ENTPD5: variants seen among roughly 807,000 people sequenced by gnomAD.
The protein encoded by ENTPD5 is ectonucleoside triphosphate diphosphohydrolase 5 (inactive).
Under a neutral mutation model 60.2 loss-of-function variants are expected in ENTPD5, and 49 were observed. The observed-to-expected ratio is 0.81, with a 90% CI of 0.65 to 1.03. The LOEUF (loss-of-function observed/expected upper bound fraction) is 1.03, where lower values mean the gene tolerates loss of function less well. ENTPD5 is among the 50% of genes least tolerant of loss of function. The pLI, the probability that ENTPD5 is intolerant of heterozygous loss-of-function variation, is 0.00. For missense variants in ENTPD5, 480 were observed against 507.6 expected, an observed-to-expected ratio of 0.95 and a Z score of 0.52; for synonymous variants, 187 against 185.4, an observed-to-expected ratio of 1.01 and a Z score of -0.07.
Position 73,976,412 on chromosome 14 carries a change from C to T in ENTPD5, c.554G>A (p.Gly185Asp), listed in dbSNP as rs773063485. 1.2e-6 allele frequency: 2 copies of T among 1,614,008 alleles called. No homozygotes were observed. The highest frequency in any genetic ancestry group is 1.1e-5 in the South Asian group (1 of 91,076). The change falls in exon 9 of 16, where the codon GGT becomes GAT. Residue 185 changes from glycine to aspartate, a missense_variant and splice_region_variant. Gly to Asp is a moderately conservative substitution (Grantham distance 94, BLOSUM62 -1). Transcript: ENST00000334696. ...CTCCTGTCTGTGGCCATGCAGCTGA[C>T]CTGTCAAATGAGAGCCAGCTCTAAA... ...LAWVTVNFLTGQLHGHRQETV... is the reference protein window; with the variant it reads ...LAWVTVNFLTDQLHGHRQETV...
chr14:73,978,013 A>G (rs2057516071), intron 6 of ENTPD5, among the ~76,000 whole-genome samples: 1 of 152,210 alleles, frequency 6.6e-6, no homozygotes, highest in African/African-American at 2.4e-5. Flanking sequence ...AGGGAAAGAA[A>G]AAAGAATTCT....
At chr14:73,991,297 A>G (rs1269898379) in intron 3 of ENTPD5, among the ~76,000 whole-genome samples, 1 of 152,080 alleles carries the variant, frequency 6.6e-6, no homozygotes, top group African/African-American at 2.4e-5. Flanking sequence ...AGCACTGTTT[A>G]CATTTAGGGG....
chr14:73,958,000 G>C (rs2056523123), downstream of ENTPD5: 4 of 743,202 alleles, frequency 5.4e-6, no homozygotes, highest in South Asian at 5.6e-5. Flanking sequence ...TATTAGCTCA[G>C]ACCACAGCAT....
In ENTPD5 at chr14:73,995,281, C is replaced by G. The variant is rs539497456; in HGVS notation, c.-70-7109G>C. Among the ~76,000 whole-genome samples the G allele has an allele frequency of 2.0e-3, 309 of 152,190 alleles. 4 individuals are homozygous for G. The highest frequency in any genetic ancestry group is 7.0e-3 in the African/African-American group (290 of 41,490). The stretch of plus-strand genomic sequence containing the variant: ...CAGGCTGTTCTCAAACTTCTGGTCT[C>G]AAGTGATCCACCCGCCTCAGCCTCC... On this transcript the variant is annotated intron_variant, in intron 3 of 15. Coordinates refer to ENST00000334696, the MANE Select transcript of ENTPD5 (RefSeq NM_001249.5).
At chr14:74,002,214 C>A (rs1006895614) in intron 3 of ENTPD5, among the ~76,000 whole-genome samples, 2 of 152,010 alleles carry the variant, frequency 1.3e-5, no homozygotes, top group African/African-American at 4.8e-5. Context: ...TGAAATGAGC[C>A]AGAAATCAAA....
downstream of ENTPD5, among the ~76,000 whole-genome samples, chr14:73,957,491 T>C (rs1427777312): frequency 1.3e-5 from 2 of 152,226 alleles, no homozygotes; most frequent in Non-Finnish European, 2.9e-5. Context: ...TGTTTTGTTT[T>C]GAGACAAGGT....
chr14:73,959,852 G>A (rs2056629762), downstream of ENTPD5: 1 of 1,289,876 alleles, frequency 7.8e-7, no homozygotes, highest in Non-Finnish European at 9.9e-7. Flanking sequence ...TTACAGGCGT[G>A]AGCCACTGCA....
intron 13 of ENTPD5, 30 bp from the exon 14 acceptor site, chr14:73,971,938 C>A: frequency 2.2e-6 from 3 of 1,340,724 alleles, no homozygotes; most frequent in Non-Finnish European, 3.2e-6. Flanking sequence ...TATCTGATAT[C>A]AAAACGCCTT....
chr14:73,991,746 T>C (rs2058143945), intron 3 of ENTPD5, among the ~76,000 whole-genome samples: 2 of 151,818 alleles, frequency 1.3e-5, no homozygotes, highest in African/African-American at 4.8e-5. Context: ...CCAGTTGTGA[T>C]AACCAAAAAC....
chr14:73,967,951 C>A (rs574257511), intron 15 of ENTPD5, among the ~76,000 whole-genome samples: 14 of 151,986 alleles, frequency 9.2e-5, no homozygotes, highest in Admixed American at 3.3e-4. Flanking sequence ...ATGGTGAAAC[C>A]CCGTGTCTAC....
chr14:73,969,218 C>T (rs2057113661), intron 15 of ENTPD5, among the ~76,000 whole-genome samples: 2 of 152,218 alleles, frequency 1.3e-5, no homozygotes, highest in Admixed American at 1.3e-4. Context: ...GACCGAACTT[C>T]AGCTCTAGTA....
chr14:73,975,837 T>C, intron 10 of ENTPD5, 99 bp downstream of exon 10: 1 of 1,054,388 alleles, frequency 9.5e-7, no homozygotes. Context: ...ACAGACTTTG[T>C]TTTTGCTAAT....
intron 15 of ENTPD5, among the ~76,000 whole-genome samples, chr14:73,968,254 G>A (rs2057069221): frequency 6.6e-6 from 1 of 152,170 alleles, no homozygotes; most frequent in Non-Finnish European, 1.5e-5. Flanking sequence ...ATAAGAAGAG[G>A]ATTAGATTAG....
chr14:74,014,994 A>T (rs557362911), intron 2 of ENTPD5, among the ~76,000 whole-genome samples: 27 of 151,692 alleles, frequency 1.8e-4, no homozygotes, highest in African/African-American at 6.0e-4. Context: ...AGGCAGGAGA[A>T]TTGCTTGAAC....
rs181882972 is a variant in ENTPD5 at position 73,994,895 on chromosome 14, C to G, written c.-70-6723G>C. Among the ~76,000 whole-genome samples the G allele has an allele frequency of 1.3e-3, 201 of 152,002 alleles. 4 individuals carry two copies. Among genetic ancestry groups the G allele is most frequent in the African/African-American group, 4.7e-3 (193 of 41,420 alleles). On this transcript the variant is annotated intron_variant, in intron 3 of 15. Coordinates refer to ENST00000334696, the MANE Select transcript of ENTPD5 (RefSeq NM_001249.5). Reference sequence around the variant, plus strand: ...TATTTAAAATTATAACCCATCTGACCACATCATGTTTTCCTATCTTCCTTT... The same window carrying G: ...TATTTAAAATTATAACCCATCTGACGACATCATGTTTTCCTATCTTCCTTT...
At position 73,996,197 on chromosome 14, in the gene ENTPD5, C is replaced by A. The variant is rs750623324; in HGVS notation, c.-70-8025G>T. The stretch of plus-strand genomic sequence containing the variant: ...CCTGTTTCAGCTCTTCTTAATCAAG[C>A]GAGCCTCATGAACCGCATTCACCTT... On this transcript the variant is annotated intron_variant, in intron 3 of 15. Transcript: ENST00000334696. 4.1e-6 allele frequency: 4 copies of A among 985,328 alleles called. No individual in the cohort carries two copies. The South Asian group carries it at 1.9e-4, about 46-fold the overall frequency. The allele number at this position is 985,328 out of a possible 1,614,324, so 61.0% of individuals were successfully genotyped here.
At position 73,966,685 on chromosome 14, in the gene ENTPD5, T is replaced by G. The variant is rs561791727; in HGVS notation, c.*243A>C. On this transcript the variant is annotated 3_prime_UTR_variant, in exon 16 of 16. Transcript: ENST00000334696. ...TTTCCAGGGACCTGTCCCTGGGCTC[T>G]CACTCCAAGGTTAAGTTCCAAAACT... is the stretch of plus-strand genomic sequence containing the variant. 6 of 392,090 alleles carry G rather than the reference T, an allele frequency of 1.5e-5. No individual in the cohort carries two copies. In the East Asian group the frequency reaches 2.1e-4, roughly 14 times the overall value. The allele number at this position is 392,090 out of a possible 1,614,324, so 24.3% of individuals were successfully genotyped here. A position where few individuals can be genotyped will look rare whatever the true frequency, so the allele number is the denominator to read the frequency against.
intron 9 of ENTPD5, 78 bp from the exon 10 acceptor site, chr14:73,976,093 C>T (rs1248430320): frequency 8.1e-7 from 1 of 1,241,850 alleles, no homozygotes; most frequent in Non-Finnish European, 1.2e-6. Context: ...CCCGTCCCTC[C>T]CAGCAAAAAA....
chr14:73,986,321 A>G (rs774353380), intron 5 of ENTPD5: 3 of 154,754 alleles, frequency 1.9e-5, no homozygotes, highest in African/African-American at 4.8e-5. Context: ...TAGTCGCCAC[A>G]AACTCTCTAT....
Sources: allele counts gnomAD v4.1 joint callset (sites outside exome capture counted in the v4.1 genomes callset), GRCh38; gene constraint gnomAD v4.1.1; transcripts MANE v1.5; gene names NCBI Gene and HGNC (gene_info 2026-07-23, HGNC 2026-07-21).